Variants in GMDS observed in about 807,000 individuals in gnomAD.
GMDS encodes GDP-mannose 4,6 dehydratase.
GMDS carries 20 observed loss-of-function variants against 49.9 expected under a neutral mutation model. The ratio of observed to expected loss-of-function variants is 0.40; its 90% CI spans 0.28 to 0.58. GMDS has a LOEUF of 0.58. Among genes scored for constraint, GMDS ranks in the 20% least tolerant of loss-of-function variants. The pLI is 0.42. For missense variants in GMDS, 362 were observed against 481.4 expected, an observed-to-expected ratio of 0.75 and a Z score of 2.32; for synonymous variants, 177 against 178.6, an observed-to-expected ratio of 0.99 and a Z score of 0.07.
chr6:1,825,624 A>G (rs940160851), intron 7 of GMDS, among the ~76,000 whole-genome samples: 3 of 152,366 alleles, frequency 2.0e-5, no homozygotes, highest in South Asian at 2.1e-4. Context: ...ACAAATCTGT[A>G]TACTCATTTA....
At chr6:1,695,661 T>C (rs558994367) in intron 9 of GMDS, among the ~76,000 whole-genome samples, 1 of 152,282 alleles carries the variant, frequency 6.6e-6, no homozygotes, top group Non-Finnish European at 1.5e-5. Context: ...GCAGAATCCT[T>C]AAGGCTGCAA....
chr6:1,726,721 T>C (rs965392345), intron 8 of GMDS, among the ~76,000 whole-genome samples: 3 of 152,234 alleles, frequency 2.0e-5, no homozygotes, highest in Non-Finnish European at 4.4e-5. Flanking sequence ...AGCGTTTTTT[T>C]CCTTTTCAAG....
In GMDS at chr6:2,065,136, C is replaced by T. The variant is rs566061139; in HGVS notation, c.345+50635G>A. Among the ~76,000 whole-genome samples, 5 of 152,280 alleles carry T rather than the reference C, an allele frequency of 3.3e-5. No homozygotes were observed. In the South Asian group the frequency reaches 1.0e-3, roughly 32 times the overall value. ...GACCCCTGACCCCTGAGCAGCCTAA[C>T]TGGGAGGCACCCCCCAGCAGGGGCA... On this transcript the variant is annotated intron_variant, in intron 4 of 10. Transcript: ENST00000380815.
intron 1 of GMDS, among the ~76,000 whole-genome samples, chr6:2,194,442 T>C (rs1779193319): frequency 6.6e-6 from 1 of 152,238 alleles, no homozygotes; most frequent in African/African-American, 2.4e-5. Flanking sequence ...CACACATACA[T>C]ATATAGTTGT....
intron 7 of GMDS, among the ~76,000 whole-genome samples, chr6:1,837,870 C>T (rs1317295733): frequency 6.6e-6 from 1 of 152,148 alleles, no homozygotes; most frequent in Non-Finnish European, 1.5e-5. Flanking sequence ...AGGAAGGAGA[C>T]CCAGGCCTCA....
At chr6:2,071,855 T>C (rs1313911543) in intron 4 of GMDS, among the ~76,000 whole-genome samples, 1 of 152,198 alleles carries the variant, frequency 6.6e-6, no homozygotes, top group Non-Finnish European at 1.5e-5. Context: ...CCAATGTTTC[T>C]TACTTTGAAT....
chr6:1,834,816 CCT>C (rs1468481692), intron 7 of GMDS, among the ~76,000 whole-genome samples: 1 of 152,040 alleles, frequency 6.6e-6, no homozygotes, highest in Non-Finnish European at 1.5e-5. Flanking sequence ...TCCCGGGAAC[CCT>C]GTTTGTTCCG....
At chr6:2,048,249 ATT>A (rs1770147764) in intron 4 of GMDS, among the ~76,000 whole-genome samples, 1 of 152,138 alleles carries the variant, frequency 6.6e-6, no homozygotes, top group African/African-American at 2.4e-5. Flanking sequence ...AAGGCTAATT[ATT>A]TTTTCTTTCA....
intron 6 of GMDS, among the ~76,000 whole-genome samples, chr6:1,947,141 C>G (rs1448457994): frequency 6.6e-6 from 1 of 152,112 alleles, no homozygotes; most frequent in Non-Finnish European, 1.5e-5. Flanking sequence ...GGAAATATTT[C>G]CCTGTGCTTG....
In GMDS at chr6:1,778,189, G is replaced by A. The variant is rs140927051; in HGVS notation, c.772-35603C>T. On this transcript the variant is annotated intron_variant, in intron 7 of 10. Coordinates refer to ENST00000380815, the MANE Select transcript of GMDS (RefSeq NM_001500.4). The surrounding 1 kb of genome is among the most constrained non-coding windows in gnomAD (Gnocchi z 4.6). ...GCCTTCTCAACACCTCACGAAAAGC[G>A]CCCTTGGGTCTCATTTTGCTGGGAT... is the stretch of plus-strand genomic sequence containing the variant. Among the ~76,000 whole-genome samples, 43 of 152,232 alleles carry A rather than the reference G, an allele frequency of 2.8e-4. No individual in the cohort carries two copies. The East Asian group carries it at 7.3e-3, about 26-fold the overall frequency.
chr6:2,015,292 G>A (rs569286547), intron 4 of GMDS, among the ~76,000 whole-genome samples: 9 of 152,112 alleles, frequency 5.9e-5, no homozygotes, highest in Non-Finnish European at 1.2e-4. Flanking sequence ...GACCATGGAT[G>A]GGACCATAAA....
chr6:2,164,343 T>C (rs1777554701), intron 1 of GMDS, among the ~76,000 whole-genome samples: 1 of 152,218 alleles, frequency 6.6e-6, no homozygotes, highest in Non-Finnish European at 1.5e-5. Flanking sequence ...AGGGGTCATG[T>C]CTTGAACCTT....
chr6:2,230,948 C>CCA (rs1554100746), intron 1 of GMDS, among the ~76,000 whole-genome samples: 2 of 94,044 alleles, frequency 2.1e-5, no homozygotes, highest in Non-Finnish European at 4.4e-5. Flanking sequence ...CCCACCCCCC[C>CCA]CCCCCGTTCC....
At chr6:2,010,559 A>G (rs1767497891) in intron 4 of GMDS, among the ~76,000 whole-genome samples, 1 of 152,162 alleles carries the variant, frequency 6.6e-6, no homozygotes, top group Admixed American at 6.5e-5. Context: ...ATAACACTCA[A>G]TAAGGTAAAA....
intron 7 of GMDS, among the ~76,000 whole-genome samples, chr6:1,799,237 TC>T (rs202089978): frequency 4.1e-3 from 615 of 151,632 alleles, no homozygotes; most frequent in African/African-American, 0.014. Context: ...TGGCAAAGAG[TC>T]CCCCGCTCCC....
chr6:2,157,784 T>C (rs1226977359), intron 1 of GMDS, among the ~76,000 whole-genome samples: 1 of 152,194 alleles, frequency 6.6e-6, no homozygotes, highest in Non-Finnish European at 1.5e-5. Flanking sequence ...AACAGGAATT[T>C]TAAAATTCCT....
chr6:1,732,420 T>C (rs940804382), intron 8 of GMDS, among the ~76,000 whole-genome samples: 1 of 152,168 alleles, frequency 6.6e-6, no homozygotes, highest in African/African-American at 2.4e-5. Flanking sequence ...GCACTAAATA[T>C]TGACTTGACT....
intron 1 of GMDS, among the ~76,000 whole-genome samples, chr6:2,182,521 A>G (rs1778598844): frequency 1.3e-5 from 2 of 152,228 alleles, no homozygotes; most frequent in African/African-American, 4.8e-5. Context: ...GTTTGGGACT[A>G]ATCAGCTGAC....
At chr6:1,626,044 G>T (rs1015325955) in intron 9 of GMDS, 1 of 152,238 alleles carries the variant, frequency 6.6e-6, no homozygotes, top group East Asian at 1.9e-4. Context: ...TGGCAGGTGG[G>T]GAATTTGTTC....
Sources: gnomAD v4.1 joint callset for allele counts (sites outside exome capture counted in the v4.1 genomes callset) on GRCh38, gnomAD v4.1.1 for gene constraint, Gnocchi (gnomAD v3.1) non-coding constraint, MANE v1.5 for transcripts, NCBI Gene and HGNC (gene_info 2026-07-23, HGNC 2026-07-21) for gene names.